The following TMEM130 variants were observed in gnomAD, a reference collection of about 807,000 sequenced individuals.
TMEM130 encodes transmembrane protein 130.
TMEM130 carries 37 observed loss-of-function variants against 42.9 expected under a neutral mutation model. That is an observed-to-expected ratio of 0.86 (90% confidence interval 0.66 to 1.13). The LOEUF (loss-of-function observed/expected upper bound fraction) is 1.13. TMEM130 is among the 50% of genes most tolerant of loss of function. The pLI, the probability that TMEM130 is intolerant of heterozygous loss-of-function variation, is 0.00. For missense variants in TMEM130, 545 were observed against 562.6 expected (o/e 0.97, Z 0.32); for synonymous variants, 259 against 237.7 (o/e 1.09, Z -0.82).
chr7:98,855,460 G>A (rs1554398822), intron 4 of TMEM130, 136 bp from the exon 5 acceptor site: 5 of 692,234 alleles, frequency 7.2e-6, no homozygotes, highest in Non-Finnish European at 1.2e-5. Context: ...GGTCTGTGCG[G>A]GGTTCCTCTG....
rs1447652188 is a variant in TMEM130, at chr7:98,869,919, T to G, written c.-58A>C. 5.0e-6 allele frequency: 6 copies of G among 1,200,184 alleles called. 1 individual carries two copies. The Admixed American group carries it at 1.6e-4, about 32-fold the overall frequency. The allele number at this position is 1,200,184 out of a possible 1,614,324, so 74.3% of individuals were successfully genotyped here. A position where few individuals can be genotyped will look rare whatever the true frequency, so the allele number is the denominator to read the frequency against. ...GACGCGGAGGGAATGCAGCTGGAGC[T>G]CGAGAACTGCGGCGGTCGCTCCTCC... On this transcript the variant is annotated 5_prime_UTR_variant, in exon 1 of 8. Coordinates refer to ENST00000339375, the MANE Select transcript of TMEM130 (RefSeq NM_152913.3). The surrounding 1 kb of genome is among the most constrained non-coding windows in gnomAD (Gnocchi z 4.7).
At chr7:98,865,906 G>A (rs948391386) in intron 1 of TMEM130, 10 of 166,276 alleles carry the variant, frequency 6.0e-5, no homozygotes, top group African/African-American at 2.2e-4. Flanking sequence ...GTAGATGCAC[G>A]ACCGAGTGGG....
intron 5 of TMEM130, among the ~76,000 whole-genome samples, chr7:98,853,562 A>C (rs954662835): frequency 6.6e-6 from 1 of 152,200 alleles, no homozygotes; most frequent in Non-Finnish European, 1.5e-5. Context: ...CGGGAGGCGG[A>C]GGTTGCAGTG....
At chr7:98,857,723 CT>C (rs781912154) in intron 3 of TMEM130, among the ~76,000 whole-genome samples, 64,840 of 82,248 alleles carry the variant, frequency 0.79, 24,779 homozygotes, top group South Asian at 0.84. Context: ...AAAACACATC[CT>C]TTTTTTTTTT....
chr7:98,863,114 A>G lies in TMEM130; in HGVS notation c.372T>C (p.Phe124=), dbSNP rs1222587276. 1 of 1,613,006 alleles carries G rather than the reference A, an allele frequency of 6.2e-7. No individual in the cohort carries two copies. Among genetic ancestry groups the G allele is most frequent in the Non-Finnish European group, 8.5e-7 (1 of 1,179,666 alleles). The stretch of plus-strand genomic sequence containing the variant: ...CCTCACCTGTGATGGGGAGGACCAC[A>G]AAGCCCCTGGCCACAGGCTGGCACA... ...CWMCQPVARG[F]VVLPITEFLV... The change falls in exon 2 of 8, where the codon TTT becomes TTC. Residue 124 remains phenylalanine (F), a synonymous_variant. Coordinates refer to ENST00000339375, the MANE Select transcript of TMEM130 (RefSeq NM_152913.3).
chr7:98,848,452 C>T, intron 7 of TMEM130, 131 bp downstream of exon 7: 2 of 787,108 alleles, frequency 2.5e-6, no homozygotes, highest in Non-Finnish European at 4.2e-6. Flanking sequence ...GGGCACATCA[C>T]CCCAAGTCCC....
chr7:98,861,799 C>T (rs1794777265), intron 2 of TMEM130, among the ~76,000 whole-genome samples: 1 of 152,152 alleles, frequency 6.6e-6, no homozygotes, highest in South Asian at 2.1e-4. Flanking sequence ...AATGTTCAAA[C>T]ATAAAATAAG....
At chr7:98,849,001 G>A (rs943046615) in intron 6 of TMEM130, among the ~76,000 whole-genome samples, 2 of 152,124 alleles carry the variant, frequency 1.3e-5, no homozygotes, top group Non-Finnish European at 2.9e-5. Flanking sequence ...AGCTCCTAGT[G>A]TACAGCAGAT....
At chr7:98,862,200 G>A (rs1358160123) in intron 2 of TMEM130, among the ~76,000 whole-genome samples, 2 of 152,036 alleles carry the variant, frequency 1.3e-5, no homozygotes, top group Non-Finnish European at 2.9e-5. Flanking sequence ...AGTCTAAAGG[G>A]GCAAAGGGGC....
chr7:98,858,351 G>T (rs1161734656), intron 3 of TMEM130, among the ~76,000 whole-genome samples: 1 of 120,656 alleles, frequency 8.3e-6, no homozygotes, highest in Non-Finnish European at 1.8e-5. Flanking sequence ...GACCAGCCTG[G>T]CCAACATAGT....
At chr7:98,864,385 T>TC (rs1345362927) in intron 1 of TMEM130, among the ~76,000 whole-genome samples, 52 of 150,398 alleles carry the variant, frequency 3.5e-4, no homozygotes, top group African/African-American at 1.2e-3. Flanking sequence ...TTTTTTCTTT[T>TC]TTTTTTTTTT....
At chr7:98,868,604 C>T (rs1794961055) in intron 1 of TMEM130, among the ~76,000 whole-genome samples, 1 of 152,096 alleles carries the variant, frequency 6.6e-6, no homozygotes, top group African/African-American at 2.4e-5. Flanking sequence ...TCATGGACTC[C>T]AGAAAGGGGA....
chr7:98,850,288 T>TTTTTA (rs1554398034), intron 6 of TMEM130, among the ~76,000 whole-genome samples: 2 of 112,530 alleles, frequency 1.8e-5, no homozygotes, highest in African/African-American at 6.1e-5. Flanking sequence ...TTTTTTTTTT[T>TTTTTA]AATTTTTTGA....
intron 6 of TMEM130, 29 bp downstream of exon 6, chr7:98,851,390 GCA>G: frequency 6.2e-7 from 1 of 1,607,418 alleles, no homozygotes; most frequent in Non-Finnish European, 8.5e-7. Context: ...TGCCCATGTG[GCA>G]CTGGAGCAGA....
Position 98,860,942 on chromosome 7 carries a change from CAAAAAAAAA to C in TMEM130, c.392-613_392-605del, listed in dbSNP as rs3066865. Among the ~76,000 whole-genome samples, 205 of 69,504 alleles carry C rather than the reference CAAAAAAAAA, an allele frequency of 2.9e-3. 2 individuals are homozygous for C. The highest frequency in any genetic ancestry group is 0.011 in the African/African-American group (199 of 17,956). 45.6% of individuals were successfully genotyped at this position (69,504 alleles called of 152,430 possible). On this transcript the variant is annotated intron_variant, in intron 2 of 7. Transcript: ENST00000339375. The stretch of plus-strand genomic sequence containing the variant: ...TGGGCGACAGAGCAAGACTCTGTCT[CAAAAAAAAA>C]AAAAAAAAAAAAAAGAAGAAGGAAA...
intron 5 of TMEM130, among the ~76,000 whole-genome samples, chr7:98,853,488 C>T (rs929553505): frequency 1.3e-5 from 2 of 152,168 alleles, no homozygotes; most frequent in South Asian, 2.1e-4. Context: ...ATTAGCCCAG[C>T]GTGGTGGCAC....
In TMEM130 at chr7:98,869,391, G is replaced by A; in HGVS notation, c.85+386C>T. 1 of 1,198,396 alleles carries A rather than the reference G, an allele frequency of 8.3e-7. No homozygotes were observed. The highest frequency in any genetic ancestry group is 1.6e-5 in the South Asian group (1 of 61,094). The allele number at this position is 1,198,396 out of a possible 1,614,324, so 74.2% of individuals were successfully genotyped here. A position where few individuals can be genotyped will look rare whatever the true frequency, so the allele number is the denominator to read the frequency against. On this transcript the variant is annotated intron_variant, in intron 1 of 7. Transcript: ENST00000339375. This position sits in a 1 kb window ranked among gnomAD's most constrained non-coding sequence, Gnocchi z 4.7. ...CATCCCGTGCTCCCTGGGGGACTGG[G>A]GAATTGTGGCGCGATGACGGACCCT...
In TMEM130 at chr7:98,856,143, A is replaced by G; in HGVS notation, c.592T>C (p.Tyr198His). The stretch of plus-strand genomic sequence containing the variant: ...ACGGTGAAGGTCCCGATGATGGAAT[A>G]GTTATAATAGACCACGGAGTCTTCA... ...VTEDSVVYYN[Y>H]SIIGTFTVKL... The change falls in exon 4 of 8, where the codon TAT (tyrosine) becomes CAT (histidine). Residue 198 changes from tyrosine to histidine, a missense_variant. Coordinates refer to ENST00000339375, the MANE Select transcript of TMEM130 (RefSeq NM_152913.3). 6.2e-7 allele frequency: 1 copy of G among 1,614,010 alleles called. No homozygotes were observed. Among genetic ancestry groups the G allele is most frequent in the Non-Finnish European group, 8.5e-7 (1 of 1,180,030 alleles).
intron 6 of TMEM130, among the ~76,000 whole-genome samples, chr7:98,850,273 A>ATATATTTTTTTTTTTTTT: frequency 2.0e-4 from 7 of 35,450 alleles, no homozygotes; most frequent in Admixed American, 4.3e-4. Flanking sequence ...ATATATATAT[A>ATATATTTTTTTTTTTTTT]TTTTTTTTTT....
Sources: allele counts gnomAD v4.1 joint callset (sites outside exome capture counted in the v4.1 genomes callset), GRCh38; gene constraint gnomAD v4.1.1; non-coding constraint Gnocchi (gnomAD v3.1); transcripts MANE v1.5; gene names NCBI Gene and HGNC (gene_info 2026-07-23, HGNC 2026-07-21).